The following PRSS8 variants were observed in gnomAD, a reference collection of about 807,000 sequenced individuals.
The protein encoded by PRSS8 is prostasin.
PRSS8 carries 11 observed loss-of-function variants against 26.7 expected under a neutral mutation model. The ratio of observed to expected loss-of-function variants is 0.41; its 90% CI spans 0.26 to 0.68. PRSS8 has a LOEUF of 0.68. Among genes scored for constraint, PRSS8 ranks in the 30% least tolerant of loss-of-function variants. The pLI is 0.30. For synonymous variants in PRSS8, 183 were observed against 187.0 expected (o/e 0.98, Z 0.17); for missense variants, 362 against 443.5 (o/e 0.82, Z 1.65).
rs1353367115 is a variant in PRSS8, at chr16:31,133,308, T to C, written c.184A>G (p.Ile62Val). Residue 62 changes from isoleucine (I) to valine (V), a missense_variant, in exon 3 of 6, where the codon ATC becomes GTC. By Grantham distance (29) the Ile-to-Val change is conservative (BLOSUM62 3). Transcript: ENST00000317508. The surrounding 1 kb of genome is among the most constrained non-coding windows in gnomAD (Gnocchi z 4.7). Reference sequence around the variant, plus strand: ...CACACATGGACGCCTTCATAGGTGATGCTGACCTGCCAGGGCCACTGACCG... The same window carrying C: ...CACACATGGACGCCTTCATAGGTGACGCTGACCTGCCAGGGCCACTGACCG... ...VAGQWPWQVS[I>V]TYEGVHVCGG... is the part of the protein sequence containing the mutation. The C allele has an allele frequency of 6.2e-7, 1 of 1,613,998 alleles. No homozygotes were observed. Among genetic ancestry groups the C allele is most frequent in the East Asian group, 2.2e-5 (1 of 44,880 alleles).
chr16:31,132,017 C>A lies in PRSS8; in HGVS notation c.1024G>T (p.Glu342Ter), dbSNP rs79897839. Reference protein sequence around the residue: ...ALGLLSPWLSEH With the variant: ...ALGLLSPWLS ...CTGGAAGTAGGGCCAGCTCAGTGCT[C>A]GCTGAGCCATGGGGAGAGGAGGCCC... The change falls in exon 6 of 6, where the codon GAG (glutamate) becomes TAG (stop). Residue 342 changes from glutamate to a stop codon, truncating the protein, a stop_gained. Coordinates refer to ENST00000317508, the MANE Select transcript of PRSS8 (RefSeq NM_002773.5). LOFTEE classifies it high-confidence loss of function. The surrounding 1 kb of genome is among the most constrained non-coding windows in gnomAD (Gnocchi z 5.2). The A allele has an allele frequency of 6.4e-7, 1 of 1,569,236 alleles. No homozygotes were observed. The highest frequency in any genetic ancestry group is 8.6e-7 in the Non-Finnish European group (1 of 1,156,976).
chr16:31,132,018 G>T lies in PRSS8; in HGVS notation c.1023C>A (p.Ser341Arg). The change falls in exon 6 of 6, where the codon AGC becomes AGA. Residue 341 changes from serine (S) to arginine (R), a missense_variant. Ser to Arg is a moderately radical substitution (Grantham distance 110, BLOSUM62 -1). Transcript: ENST00000317508. The surrounding 1 kb of genome is among the most constrained non-coding windows in gnomAD (Gnocchi z 5.2). Reference protein sequence around the residue: ...LALGLLSPWLSEH With the variant: ...LALGLLSPWLREH ...TGGAAGTAGGGCCAGCTCAGTGCTC[G>T]CTGAGCCATGGGGAGAGGAGGCCCA... The T allele has an allele frequency of 5.1e-6, 8 of 1,571,512 alleles. No homozygotes were observed. The highest frequency in any genetic ancestry group is 6.9e-6 in the Non-Finnish European group (8 of 1,158,094).
rs1453131716 is a variant in PRSS8, at chr16:31,132,132, G to C, written c.909C>G (p.Ser303Arg). ...VPQTQESQPD[S>R]NLCGSHLAFS... is the part of the protein sequence containing the mutation. ...AGGCCAGGTGGCTGCCACAGAGGTT[G>C]CTGTCGGGCTGGGACTCCTGGGTTT... The change falls in exon 6 of 6, where the codon AGC (serine) becomes AGG (arginine). Residue 303 changes from serine to arginine, a missense_variant. Transcript: ENST00000317508. This position sits in a 1 kb window ranked among gnomAD's most constrained non-coding sequence, Gnocchi z 5.2. 1 of 1,613,604 alleles carries C rather than the reference G, an allele frequency of 6.2e-7. No individual in the cohort carries two copies. The highest frequency in any genetic ancestry group is 1.7e-5 in the Admixed American group (1 of 59,954).
At position 31,135,721 on chromosome 16, in the gene PRSS8, A is replaced by G. The variant is rs2057603446; in HGVS notation, c.-223T>C. 1 of 501,796 alleles carries G rather than the reference A, an allele frequency of 2.0e-6. No individual in the cohort carries two copies. The allele number at this position is 501,796 out of a possible 1,614,324, so 31.1% of individuals were successfully genotyped here. A position where few individuals can be genotyped will look rare whatever the true frequency, so the allele number is the denominator to read the frequency against. On this transcript the variant is annotated 5_prime_UTR_variant, in exon 1 of 6. Transcript: ENST00000317508. ...CGAGCAGTGTGGACGAGTCACCAGCACCGTCTGGCCACGCAGGGTCCTCCC... is the reference window on the plus strand; with the variant it reads ...CGAGCAGTGTGGACGAGTCACCAGCGCCGTCTGGCCACGCAGGGTCCTCCC...
chr16:31,133,522 G>A lies in PRSS8; in HGVS notation c.104-134C>T. On this transcript the variant is annotated intron_variant, in intron 2 of 5. Coordinates refer to ENST00000317508, the MANE Select transcript of PRSS8 (RefSeq NM_002773.5). The surrounding 1 kb of genome is among the most constrained non-coding windows in gnomAD (Gnocchi z 4.7). ...CTTTGTCCCCTCCCAGGCATGGGCA[G>A]TTGTGCCCCTTCTGTCCACTACCCA... is the stretch of plus-strand genomic sequence containing the variant. 9.0e-7 allele frequency: 1 copy of A among 1,106,396 alleles called. No homozygotes were observed. The highest frequency in any genetic ancestry group is 1.3e-6 in the Non-Finnish European group (1 of 785,970). The allele number at this position is 1,106,396 out of a possible 1,614,324, so 68.5% of individuals were successfully genotyped here.
In PRSS8 at chr16:31,131,870, A is replaced by G. The variant is rs933999027; in HGVS notation, c.*139T>C. On this transcript the variant is annotated 3_prime_UTR_variant, in exon 6 of 6. Coordinates refer to ENST00000317508, the MANE Select transcript of PRSS8 (RefSeq NM_002773.5). ...CACACCCAGAAGAATGGGCTCAAAG[A>G]TCAAGATGGGGCCCCAGCCTCCCGC... is the stretch of plus-strand genomic sequence containing the variant. The G allele has an allele frequency of 1.1e-5, 10 of 949,748 alleles. 1 individual carries two copies. In the South Asian group the frequency reaches 1.7e-4, roughly 16 times the overall value. 58.8% of individuals were successfully genotyped at this position (949,748 alleles called of 1,614,324 possible). A position where few individuals can be genotyped will look rare whatever the true frequency, so the allele number is the denominator to read the frequency against.
intron 1 of PRSS8, 109 bp downstream of exon 1, chr16:31,135,305 G>T: frequency 6.3e-7 from 1 of 1,576,422 alleles, no homozygotes; most frequent in South Asian, 1.1e-5. Flanking sequence ...CCAAGAGCTA[G>T]GGAGGCCGGG....
chr16:31,133,222 G>A lies in PRSS8; in HGVS notation c.266+4C>T. ...GCCCACTTTTGACTTTCACCATTTG[G>A]TACCTGGGGAAGCAGTGAGCAGCTG... On this transcript the variant is annotated splice_donor_region_variant and intron_variant, in intron 3 of 5. Coordinates refer to ENST00000317508, the MANE Select transcript of PRSS8 (RefSeq NM_002773.5). This position sits in a 1 kb window ranked among gnomAD's most constrained non-coding sequence, Gnocchi z 4.7. 1 of 1,613,806 alleles carries A rather than the reference G, an allele frequency of 6.2e-7. No homozygotes were observed. Among genetic ancestry groups the A allele is most frequent in the Middle Eastern group, 1.6e-4 (1 of 6,062 alleles).
chr16:31,132,362 A>G lies in PRSS8; in HGVS notation c.706-27T>C. ...TGAGGAGAGAAGCCACACAGCAGCC[A>G]TCAGGACCGGGCCAGGCCTCCTTTC... On this transcript the variant is annotated intron_variant, in intron 5 of 5. Coordinates refer to ENST00000317508, the MANE Select transcript of PRSS8 (RefSeq NM_002773.5). This position sits in a 1 kb window ranked among gnomAD's most constrained non-coding sequence, Gnocchi z 5.2. The G allele has an allele frequency of 6.2e-7, 1 of 1,613,932 alleles. No individual in the cohort carries two copies.
In PRSS8 at chr16:31,132,297, A is replaced by T; in HGVS notation, c.744T>A (p.Gly248=). Residue 248 remains glycine, a synonymous_variant, in exon 6 of 6, where the codon GGT becomes GGA. Coordinates refer to ENST00000317508, the MANE Select transcript of PRSS8 (RefSeq NM_002773.5). This position sits in a 1 kb window ranked among gnomAD's most constrained non-coding sequence, Gnocchi z 5.2. The part of the protein sequence containing the change: ...SGGPLSCPVE[G]LWYLTGIVSW... ...TCACAATGCCCGTCAGGTACCAGAGACCCTCCACAGGGCAGGAGAGTGGGC... is the reference window on the plus strand; with the variant it reads ...TCACAATGCCCGTCAGGTACCAGAGTCCCTCCACAGGGCAGGAGAGTGGGC... The T allele has an allele frequency of 6.2e-7, 1 of 1,613,510 alleles. No homozygotes were observed. The highest frequency in any genetic ancestry group is 8.5e-7 in the Non-Finnish European group (1 of 1,179,750).
At position 31,133,996 on chromosome 16, in the gene PRSS8, A is replaced by G. The variant is rs948020053; in HGVS notation, c.104-608T>C. 18 of 161,606 alleles carry G rather than the reference A, an allele frequency of 1.1e-4. No homozygotes were observed. The highest frequency in any genetic ancestry group is 2.4e-4 in the African/African-American group (10 of 41,530). The allele number at this position is 161,606 out of a possible 1,614,324, so 10.0% of individuals were successfully genotyped here. A position where few individuals can be genotyped will look rare whatever the true frequency, so the allele number is the denominator to read the frequency against. ...CTCCCCGATGCTGCCCAGTCTCACA[A>G]TTGTTCCGGAGTCCACAACTGTGTC... is the stretch of plus-strand genomic sequence containing the variant. On this transcript the variant is annotated intron_variant, in intron 2 of 5. Transcript: ENST00000317508. The surrounding 1 kb of genome is among the most constrained non-coding windows in gnomAD (Gnocchi z 4.7).
At position 31,135,647 on chromosome 16, in the gene PRSS8, C is replaced by T. The variant is rs2057602900; in HGVS notation, c.-149G>A. 2.8e-6 allele frequency: 2 copies of T among 715,072 alleles called. No individual in the cohort carries two copies. Among genetic ancestry groups the T allele is most frequent in the Admixed American group, 3.0e-5 (1 of 33,878 alleles). 44.3% of individuals were successfully genotyped at this position (715,072 alleles called of 1,614,324 possible). A position where few individuals can be genotyped will look rare whatever the true frequency, so the allele number is the denominator to read the frequency against. ...GGGGCAGCAAGTGTCCAAGGCTGGC[C>T]TCTAAGGCAGGGAGCGGCCGCAACG... On this transcript the variant is annotated 5_prime_UTR_variant, in exon 1 of 6. Transcript: ENST00000317508.
rs562177063 is a variant in PRSS8 at position 31,131,513 on chromosome 16, C to T, written c.*496G>A. On this transcript the variant is annotated 3_prime_UTR_variant, in exon 6 of 6. Coordinates refer to ENST00000317508, the MANE Select transcript of PRSS8 (RefSeq NM_002773.5). ...CGCCAGCCCAGTTCCGGTGGGGGCTCAGTCCTCCGGAGTCCAGGAGTCAGG... is the reference window on the plus strand; with the variant it reads ...CGCCAGCCCAGTTCCGGTGGGGGCTTAGTCCTCCGGAGTCCAGGAGTCAGG... 1,440 of 574,944 alleles carry T rather than the reference C, an allele frequency of 2.5e-3. 1 individual carries two copies. The highest frequency in any genetic ancestry group is 3.2e-3 in the Non-Finnish European group (1,036 of 326,560). The allele number at this position is 574,944 out of a possible 1,614,324, so 35.6% of individuals were successfully genotyped here. A position where few individuals can be genotyped will look rare whatever the true frequency, so the allele number is the denominator to read the frequency against.
chr16:31,135,327 G>GCC, intron 1 of PRSS8, 87 bp downstream of exon 1: 1 of 1,576,686 alleles, frequency 6.3e-7, no homozygotes, highest in South Asian at 1.1e-5. Flanking sequence ...GTTTTCTTGG[G>GCC]CCCCAGACAA....
Position 31,135,161 on chromosome 16 carries a change from C to A in PRSS8, c.96G>T (p.Gly32=). ...CTCCGAGGAAAGTCTCACCTTCTGC[C>A]CCTTCCGCTCCTAGAAAGAAAGAGA... ...GLLRSGTGAE[G]AEAPCGVAPQ... is the part of the protein sequence containing the mutation. Residue 32 remains glycine (G), a synonymous_variant, in exon 2 of 6, where the codon GGG becomes GGT. Transcript: ENST00000317508. 1.2e-6 allele frequency: 2 copies of A among 1,612,856 alleles called. No individual in the cohort carries two copies. Among genetic ancestry groups the A allele is most frequent in the Non-Finnish European group, 1.7e-6 (2 of 1,179,466 alleles).
At position 31,133,658 on chromosome 16, in the gene PRSS8, C is replaced by T. The variant is rs1596830777; in HGVS notation, c.104-270G>A. 6.6e-6 allele frequency among the ~76,000 whole-genome samples: 1 copy of T among 152,206 alleles called. No individual in the cohort carries two copies. The highest frequency in any genetic ancestry group is 2.4e-5 in the African/African-American group (1 of 41,454). ...ACCCCCAATCTGACCAGGCCACAGC[C>T]CTGCTTAAACCCTTCTTGGCTCCAC... is the stretch of plus-strand genomic sequence containing the variant. On this transcript the variant is annotated intron_variant, in intron 2 of 5. Coordinates refer to ENST00000317508, the MANE Select transcript of PRSS8 (RefSeq NM_002773.5). This position sits in a 1 kb window ranked among gnomAD's most constrained non-coding sequence, Gnocchi z 4.7.
At position 31,133,315 on chromosome 16, in the gene PRSS8, C is replaced by T. The variant is rs1335143162; in HGVS notation, c.177G>A (p.Gln59=). 1.2e-6 allele frequency: 2 copies of T among 1,614,008 alleles called. No individual in the cohort carries two copies. Among genetic ancestry groups the T allele is most frequent in the Non-Finnish European group, 1.7e-6 (2 of 1,179,902 alleles). ...GGACGCCTTCATAGGTGATGCTGAC[C>T]TGCCAGGGCCACTGACCGGCGACTG... ...SSAVAGQWPW[Q]VSITYEGVHV... is the part of the protein sequence containing the mutation. The change falls in exon 3 of 6, where the codon CAG becomes CAA. Residue 59 remains glutamine, a synonymous_variant. Coordinates refer to ENST00000317508, the MANE Select transcript of PRSS8 (RefSeq NM_002773.5). The surrounding 1 kb of genome is among the most constrained non-coding windows in gnomAD (Gnocchi z 4.7).
At position 31,135,667 on chromosome 16, in the gene PRSS8, G is replaced by A. The variant is rs2057603005; in HGVS notation, c.-169C>T. The stretch of plus-strand genomic sequence containing the variant: ...CTGGCCTCTAAGGCAGGGAGCGGCC[G>A]CAACGGGAGACGCCTGGAGTATCCG... On this transcript the variant is annotated 5_prime_UTR_variant, in exon 1 of 6. Coordinates refer to ENST00000317508, the MANE Select transcript of PRSS8 (RefSeq NM_002773.5). The A allele has an allele frequency of 8.0e-6, 5 of 627,716 alleles. No homozygotes were observed. The highest frequency in any genetic ancestry group is 1.4e-5 in the Non-Finnish European group (5 of 361,148). 38.9% of individuals were successfully genotyped at this position (627,716 alleles called of 1,614,324 possible).
chr16:31,133,284 A>G lies in PRSS8; in HGVS notation c.208T>C (p.Cys70Arg). The change falls in exon 3 of 6, where the codon TGT becomes CGT. Residue 70 changes from cysteine (C) to arginine (R), a missense_variant. By Grantham distance (180) the Cys-to-Arg change is radical. Transcript: ENST00000317508. The surrounding 1 kb of genome is among the most constrained non-coding windows in gnomAD (Gnocchi z 4.7). ...TGCTCAGACACGAGAGAGCCACCAC[A>G]CACATGGACGCCTTCATAGGTGATG... ...VSITYEGVHV[C>R]GGSLVSEQWV... is the part of the protein sequence containing the mutation. 1.2e-6 allele frequency: 2 copies of G among 1,613,934 alleles called. No individual in the cohort carries two copies. The highest frequency in any genetic ancestry group is 1.7e-6 in the Non-Finnish European group (2 of 1,179,886).
Sources: allele counts gnomAD v4.1 joint callset (sites outside exome capture counted in the v4.1 genomes callset), GRCh38; gene constraint gnomAD v4.1.1; non-coding constraint Gnocchi (gnomAD v3.1); transcripts MANE v1.5; gene names NCBI Gene and HGNC (gene_info 2026-07-23, HGNC 2026-07-21).